Variants in POLR1A observed in about 807,000 individuals in gnomAD.
The protein encoded by POLR1A is RNA polymerase I subunit A.
POLR1A carries 84 observed loss-of-function variants against 205.3 expected under a neutral mutation model. The ratio of observed to expected loss-of-function variants is 0.41; its 90% CI spans 0.34 to 0.49. The LOEUF is 0.49. POLR1A is among the 20% of genes least tolerant of loss of function. The pLI, the probability that POLR1A is intolerant of heterozygous loss-of-function variation, is 0.22. For synonymous variants in POLR1A, 799 were observed against 863.7 expected, an observed-to-expected ratio of 0.93 and a Z score of 1.31; for missense variants, 1,645 against 2,204.5, an observed-to-expected ratio of 0.75 and a Z score of 5.08.
intron 1 of POLR1A, among the ~76,000 whole-genome samples, chr2:86,104,294 C>T (rs903375892): frequency 6.6e-6 from 1 of 152,080 alleles, no homozygotes; most frequent in African/African-American, 2.4e-5. Flanking sequence ...AACAAATAGA[C>T]ATGTAGGTGA....
At chr2:86,052,785 C>T in intron 16 of POLR1A, 32 bp downstream of exon 16, 2 of 1,467,834 alleles carry the variant, frequency 1.4e-6, no homozygotes, top group Non-Finnish European at 1.8e-6. Context: ...GCTGACGGGT[C>T]ACTGCCCCAG....
chr2:86,043,988 A>G, intron 22 of POLR1A, 151 bp downstream of exon 22: 1 of 668,314 alleles, frequency 1.5e-6, no homozygotes, highest in Non-Finnish European at 2.5e-6. Flanking sequence ...CAAGTGTTTC[A>G]GGGCACTGAC....
At chr2:86,059,923 G>A (rs1672966730) in intron 14 of POLR1A, among the ~76,000 whole-genome samples, 1 of 152,058 alleles carries the variant, frequency 6.6e-6, no homozygotes, top group Non-Finnish European at 1.5e-5. Context: ...GGGTTGGGGA[G>A]GGAGGGAGTT....
At chr2:86,061,100 C>T (rs1467063860) in intron 14 of POLR1A, among the ~76,000 whole-genome samples, 1 of 152,046 alleles carries the variant, frequency 6.6e-6, no homozygotes, top group African/African-American at 2.4e-5. Flanking sequence ...AGTAAGATAC[C>T]ACTACATACT....
At chr2:86,030,170 C>T (rs970402720) in intron 31 of POLR1A, 26 bp downstream of exon 31, 7 of 1,597,246 alleles carry the variant, frequency 4.4e-6, no homozygotes, top group Admixed American at 1.7e-5. Flanking sequence ...ATGCTTTGTC[C>T]CAGGCCAGCA....
Position 86,042,114 on chromosome 2 carries a change from G to T in POLR1A, c.3358-11C>A. ...CCACATCCTCAGCATCTGAACAGAA[G>T]GATGGGTCTCAGCTATGTGGGAGGG... is the stretch of plus-strand genomic sequence containing the variant. On this transcript the variant is annotated splice_polypyrimidine_tract_variant and intron_variant, in intron 23 of 33. Transcript: ENST00000263857. 1 of 1,598,798 alleles carries T rather than the reference G, an allele frequency of 6.3e-7. No individual in the cohort carries two copies. The highest frequency in any genetic ancestry group is 8.6e-7 in the Non-Finnish European group (1 of 1,167,726).
At chr2:86,090,008 C>T (rs1245206689) in intron 3 of POLR1A, 79 bp from the exon 4 acceptor site, 5 of 748,408 alleles carry the variant, frequency 6.7e-6, no homozygotes, top group Non-Finnish European at 1.2e-5. Context: ...CCAACCTCTC[C>T]AAGGGTGGAA....
intron 3 of POLR1A, among the ~76,000 whole-genome samples, chr2:86,096,187 A>C (rs1159469667): frequency 6.6e-6 from 1 of 152,206 alleles, no homozygotes; most frequent in Non-Finnish European, 1.5e-5. Flanking sequence ...TCCCGTTTAT[A>C]ATAGCTACCA....
rs544859860 is a variant in POLR1A at position 86,037,866 on chromosome 2, G to A, written c.4034+834C>T. On this transcript the variant is annotated intron_variant, in intron 27 of 33. Coordinates refer to ENST00000263857, the MANE Select transcript of POLR1A (RefSeq NM_015425.6). Reference sequence around the variant, plus strand: ...TTTAAATCAAAAGATGTGGCCCCCCGGGCCTCCATTCCTGCATAGTAACAG... The same window carrying A: ...TTTAAATCAAAAGATGTGGCCCCCCAGGCCTCCATTCCTGCATAGTAACAG... Among the ~76,000 whole-genome samples, 22 of 152,286 alleles carry A rather than the reference G, an allele frequency of 1.4e-4. 1 individual carries two copies. The highest frequency in any genetic ancestry group is 5.1e-4 in the African/African-American group (21 of 41,558).
Position 86,021,486 on chromosome 2 carries a change from C to T in POLR1A, c.*5937G>A, listed in dbSNP as rs1035130493. The T allele has an allele frequency of 9.8e-5, 15 of 152,396 alleles. No homozygotes were observed. Among genetic ancestry groups the T allele is most frequent in the African/African-American group, 3.6e-4 (15 of 41,442 alleles). The allele number at this position is 152,396 out of a possible 1,614,324, so 9.4% of individuals were successfully genotyped here. On this transcript the variant is annotated 3_prime_UTR_variant, in exon 34 of 34. Transcript: ENST00000263857. ...TCCCTCCCTTCTGGCTGTTGAACAC[C>T]CAAGTACCTCCCCACTGTCCTCTCC...
intron 3 of POLR1A, among the ~76,000 whole-genome samples, chr2:86,094,262 T>G (rs535318104): frequency 1.2e-4 from 18 of 152,320 alleles, no homozygotes; most frequent in Admixed American, 7.8e-4. Context: ...GTCACTCAAT[T>G]CATTCTTTCA....
chr2:86,059,087 C>T lies in POLR1A; in HGVS notation c.2059-4798G>A, dbSNP rs570185194. On this transcript the variant is annotated intron_variant, in intron 14 of 33. Coordinates refer to ENST00000263857, the MANE Select transcript of POLR1A (RefSeq NM_015425.6). ...ATCGGAACATCCACTAATAGAGGGA[C>T]AGTTAAGTCATCTGTGGTATACCCA... 1.4e-4 allele frequency among the ~76,000 whole-genome samples: 22 copies of T among 152,276 alleles called. No individual in the cohort carries two copies. In the South Asian group the frequency reaches 4.4e-3, roughly 30 times the overall value.
At chr2:86,099,453 C>A (rs1171984835) in intron 2 of POLR1A, among the ~76,000 whole-genome samples, 5 of 151,584 alleles carry the variant, frequency 3.3e-5, no homozygotes, top group South Asian at 2.1e-4. Context: ...AAAAAAAATC[C>A]TGGAGGTGAG....
intron 24 of POLR1A, 133 bp from the exon 25 acceptor site, chr2:86,040,692 A>G: frequency 1.6e-6 from 1 of 632,648 alleles, no homozygotes; most frequent in Non-Finnish European, 2.6e-6. Context: ...TTCCTAGGCA[A>G]AAGATCCCTC....
intron 12 of POLR1A, among the ~76,000 whole-genome samples, chr2:86,073,215 A>ATC (rs1239342626): frequency 1.9e-3 from 263 of 141,252 alleles, no homozygotes; most frequent in African/African-American, 2.3e-3. Context: ...AAATAAAATA[A>ATC]AAAAAAAAAA....
chr2:86,105,714 C>T lies in POLR1A; in HGVS notation c.63G>A (p.Ser21=). Residue 21 remains serine (S), a synonymous_variant, in exon 1 of 34, where the codon TCG becomes TCA. Transcript: ENST00000263857. ...CAACTCCTTACTTGAGCTCTTCAGC[C>T]GAATACATCCCGAAGGAAATGCCCT... ...RLQGISFGMY[S]AEELKKLSVK... 6 of 1,613,222 alleles carry T rather than the reference C, an allele frequency of 3.7e-6. No individual in the cohort carries two copies. The highest frequency in any genetic ancestry group is 5.1e-6 in the Non-Finnish European group (6 of 1,179,112).
rs770916416 is a variant in POLR1A at position 86,088,815 on chromosome 2, T to C, written c.596A>G (p.His199Arg). Residue 199 changes from histidine to arginine, a missense_variant, in exon 5 of 34, where the codon CAT becomes CGT. Transcript: ENST00000263857. ...GTGGGGACAGCGCTTAGCATTCATA[T>C]GTGCCTTCCAGAAGAGAGCAATGAG... Reference protein sequence around the residue: ...SKLIALFWKAHMNAKRCPHCK... With the variant: ...SKLIALFWKARMNAKRCPHCK... 3.7e-6 allele frequency: 6 copies of C among 1,614,020 alleles called. No individual in the cohort carries two copies. Among genetic ancestry groups the C allele is most frequent in the African/African-American group, 1.3e-5 (1 of 74,946 alleles).
chr2:86,073,757 G>C (rs981648658), intron 12 of POLR1A, among the ~76,000 whole-genome samples: 2 of 152,242 alleles, frequency 1.3e-5, no homozygotes, highest in African/African-American at 4.8e-5. Flanking sequence ...GGACTGCAAA[G>C]TGCTAGCATG....
chr2:86,052,421 G>A (rs983877773), intron 16 of POLR1A, among the ~76,000 whole-genome samples: 2 of 152,200 alleles, frequency 1.3e-5, no homozygotes, highest in African/African-American at 2.4e-5. Flanking sequence ...AAATGGGCAC[G>A]AGGGTGCCAT....
Sources: gnomAD v4.1 joint callset for allele counts (sites outside exome capture counted in the v4.1 genomes callset) on GRCh38, gnomAD v4.1.1 for gene constraint, MANE v1.5 for transcripts, NCBI Gene and HGNC (gene_info 2026-07-23, HGNC 2026-07-21) for gene names.